Variants in FRMPD4 observed in about 807,000 individuals in gnomAD.
The protein encoded by FRMPD4 is FERM and PDZ domain containing 4.
FRMPD4 carries 22 observed loss-of-function variants against 94.1 expected under a neutral mutation model. That is an observed-to-expected ratio of 0.23 (90% CI 0.17 to 0.33). The LOEUF (loss-of-function observed/expected upper bound fraction) is 0.33. Among genes scored for constraint, FRMPD4 ranks in the 10% least tolerant of loss-of-function variants. FRMPD4 has a pLI of 1.00. For missense variants in FRMPD4, 1,111 were observed against 1,339.9 expected (o/e 0.83, Z 2.67); for synonymous variants, 631 against 548.6 (o/e 1.15, Z -2.10).
At chrX:12,598,394 C>T (rs188756599) in intron 2 of FRMPD4, among the ~76,000 whole-genome samples, 3 of 111,596 alleles carry the variant, frequency 2.7e-5, no homozygotes, top group Non-Finnish European at 3.8e-5. Flanking sequence ...GTTAGCACTT[C>T]GAGGTCTCAA....
chrX:12,068,523 G>A (rs2054940618), intron 3 of FRMPD4, among the ~76,000 whole-genome samples: 1 of 111,881 alleles, frequency 8.9e-6, no homozygotes, highest in East Asian at 2.8e-4. Context: ...ACTAATCTGT[G>A]TTGTTACCTT....
intron 1 of FRMPD4, among the ~76,000 whole-genome samples, chrX:12,451,944 C>T (rs955022078): frequency 1.8e-5 from 2 of 110,331 alleles, no homozygotes; most frequent in African/African-American, 3.3e-5. Flanking sequence ...AATCTTTTCC[C>T]GCTACCTTTC....
intron 2 of FRMPD4, among the ~76,000 whole-genome samples, chrX:12,509,570 T>C (rs1408755373): frequency 9.0e-6 from 1 of 111,030 alleles, no homozygotes; most frequent in Non-Finnish European, 1.9e-5. Context: ...ACAATGGACT[T>C]TGGGGACTCA....
In FRMPD4 at chrX:12,161,200, C is replaced by T. The variant is rs770654001; in HGVS notation, c.41+22188C>T. 5.0e-4 allele frequency among the ~76,000 whole-genome samples: 55 copies of T among 109,716 alleles called. 1 individual carries two copies. The highest frequency in any genetic ancestry group is 1.7e-3 in the African/African-American group (51 of 30,097). On this transcript the variant is annotated intron_variant, in intron 1 of 16. Coordinates refer to ENST00000675598, the MANE Select transcript of FRMPD4 (RefSeq NM_001368397.1). Reference sequence around the variant, plus strand: ...TTGAGACAGTGTCTTGCTCTGTTACCGAGGCTAGAGTGCAGTGGCACGATC... The same window carrying T: ...TTGAGACAGTGTCTTGCTCTGTTACTGAGGCTAGAGTGCAGTGGCACGATC...
chrX:11,854,985 C>A (rs1474235481), intron 1 of FRMPD4, among the ~76,000 whole-genome samples: 1 of 112,073 alleles, frequency 8.9e-6, no homozygotes, highest in Non-Finnish European at 1.9e-5. Context: ...GAGGGCTCCA[C>A]CCCTGCAGCA....
intron 3 of FRMPD4, among the ~76,000 whole-genome samples, chrX:11,897,150 CAA>C (rs997285182): frequency 9.8e-5 from 4 of 40,636 alleles, no homozygotes; most frequent in Non-Finnish European, 9.7e-5. Context: ...GGATGAATTA[CAA>C]AAAAAAAAAA....
chrX:12,163,047 TA>T (rs1257535858), intron 1 of FRMPD4, among the ~76,000 whole-genome samples: 2 of 109,885 alleles, frequency 1.8e-5, no homozygotes, highest in African/African-American at 3.3e-5. Context: ...GTCACCTCAT[TA>T]AAAAAAAGGA....
intron 1 of FRMPD4, among the ~76,000 whole-genome samples, chrX:12,336,317 A>G (rs1286180676): frequency 8.9e-6 from 1 of 111,764 alleles, no homozygotes; most frequent in Non-Finnish European, 1.9e-5. Flanking sequence ...TGGCATAGCT[A>G]CTTGTGGAGA....
intron 3 of FRMPD4, among the ~76,000 whole-genome samples, chrX:11,960,348 C>T (rs922971503): frequency 1.8e-5 from 2 of 111,682 alleles, no homozygotes; most frequent in Non-Finnish European, 3.8e-5. Context: ...CTTCCTCCTT[C>T]GGGTGTCATC....
rs1370250727 is a variant in FRMPD4, at chrX:11,894,986, A to G, written c.95+16968A>G. On this transcript the variant is annotated intron_variant, in intron 3 of 18. Coordinates refer to the FRMPD4 transcript ENST00000640291. The stretch of plus-strand genomic sequence containing the variant: ...CATTGGAGACAGACCAAGCAAGTGG[A>G]ATCACCTGTCTAATGAGGGTTATCA... Among the ~76,000 whole-genome samples, 5 of 112,328 alleles carry G rather than the reference A, an allele frequency of 4.5e-5. No individual in the cohort carries two copies. The Admixed American group carries it at 4.7e-4, about 11-fold the overall frequency.
intron 1 of FRMPD4, among the ~76,000 whole-genome samples, chrX:12,280,373 G>T (rs1439586024): frequency 1.8e-5 from 2 of 110,057 alleles, no homozygotes; most frequent in Non-Finnish European, 3.8e-5. Context: ...GGAGACCCAG[G>T]TTCTTTATTA....
At chrX:12,070,014 G>A (rs777769888) in intron 3 of FRMPD4, among the ~76,000 whole-genome samples, 1 of 111,741 alleles carries the variant, frequency 8.9e-6, no homozygotes, top group South Asian at 3.8e-4. Flanking sequence ...GACAAACAAA[G>A]AAATGAGCAG....
intron 3 of FRMPD4, among the ~76,000 whole-genome samples, chrX:11,997,198 G>A (rs1218845228): frequency 2.7e-5 from 3 of 110,932 alleles, no homozygotes; most frequent in Non-Finnish European, 5.7e-5. Context: ...ATGACATGAA[G>A]GGGCATTTAA....
chrX:12,162,778 A>G (rs1423775463), intron 1 of FRMPD4, among the ~76,000 whole-genome samples: 1 of 111,766 alleles, frequency 8.9e-6, no homozygotes, highest in Non-Finnish European at 1.9e-5. Context: ...CCTGTGGTGA[A>G]CATGGCATTT....
intron 3 of FRMPD4, among the ~76,000 whole-genome samples, chrX:12,025,226 G>T (rs1220210933): frequency 4.7e-5 from 5 of 106,895 alleles, no homozygotes; most frequent in Non-Finnish European, 9.6e-5. Flanking sequence ...TTTTTTCCTG[G>T]AAGATCTCAC....
chrX:12,668,647 G>A lies in FRMPD4; in HGVS notation c.423-6216G>A, dbSNP rs369771614. Among the ~76,000 whole-genome samples the A allele has an allele frequency of 3.7e-4, 32 of 86,931 alleles. No homozygotes were observed. The East Asian group carries it at 0.013, about 34-fold the overall frequency. 75.5% of individuals were successfully genotyped at this position (86,931 alleles called of 115,157 possible). On this transcript the variant is annotated intron_variant, in intron 4 of 16. Transcript: ENST00000675598. The stretch of plus-strand genomic sequence containing the variant: ...GAGCCAGAGTTTCACTCTTGTCACC[G>A]AGGCTGGAGTGCAGTGGTGCAATCT...
chrX:12,714,043 T>C (rs1379862879), intron 14 of FRMPD4, among the ~76,000 whole-genome samples: 1 of 111,959 alleles, frequency 8.9e-6, no homozygotes, highest in East Asian at 2.8e-4. Context: ...CTATTCAGTT[T>C]TCTTGTTCAT....
At position 12,309,078 on chromosome X, in the gene FRMPD4, C is replaced by A. The variant is rs1280970433; in HGVS notation, c.41+170066C>A. ...TTTGCGGGCTATATAATCCTTGTTG[C>A]AGCTACTCAACTCTGCTGTTATTGC... is the stretch of plus-strand genomic sequence containing the variant. On this transcript the variant is annotated intron_variant, in intron 1 of 16. Transcript: ENST00000675598. Among the ~76,000 whole-genome samples, 3 of 112,484 alleles carry A rather than the reference C, an allele frequency of 2.7e-5. No individual in the cohort carries two copies. In the East Asian group the frequency reaches 8.4e-4, roughly 31 times the overall value.
At chrX:11,884,913 G>T (rs2053837661) in intron 3 of FRMPD4, among the ~76,000 whole-genome samples, 4 of 111,437 alleles carry the variant, frequency 3.6e-5, no homozygotes, top group African/African-American at 9.8e-5. Context: ...ACATTTTGGT[G>T]GGCCCTTTTG....
Sources: allele counts gnomAD v4.1 joint callset (sites outside exome capture counted in the v4.1 genomes callset), GRCh38; gene constraint gnomAD v4.1.1; transcripts MANE v1.5; gene names NCBI Gene and HGNC (gene_info 2026-07-23, HGNC 2026-07-21).